Variants in NDUFA13 observed in about 807,000 individuals in gnomAD.
NDUFA13 encodes NADH dehydrogenase [ubiquinone] 1 alpha subcomplex subunit 13.
In NDUFA13, 16 loss-of-function variants were observed where a neutral mutation model predicts 17.0. That is an observed-to-expected ratio of 0.94 (90% CI 0.64 to 1.43). The LOEUF (loss-of-function observed/expected upper bound fraction) is 1.43. Among genes scored for constraint, NDUFA13 ranks in the 40% most tolerant of loss-of-function variants. NDUFA13 has a pLI of 0.00. For missense variants in NDUFA13, 228 were observed against 206.7 expected, an observed-to-expected ratio of 1.10 and a Z score of -0.63; for synonymous variants, 87 against 78.4, an observed-to-expected ratio of 1.11 and a Z score of -0.58.
intron 2 of NDUFA13, among the ~76,000 whole-genome samples, 173 bp from the exon 3 acceptor site, chr19:19,527,108 G>A (rs2061103732): frequency 1.3e-5 from 2 of 152,160 alleles, no homozygotes; most frequent in African/African-American, 4.8e-5. Flanking sequence ...GGCTCCTGGT[G>A]GGCTCTGCCC....
At chr19:19,522,628 G>A (rs1250304071) in intron 1 of NDUFA13, among the ~76,000 whole-genome samples, 1 of 151,758 alleles carries the variant, frequency 6.6e-6, no homozygotes, top group Non-Finnish European at 1.5e-5. Context: ...ACAAGTGCCA[G>A]CCACCACGCC....
At chr19:19,520,635 AAATAAT>A (rs1054116723) in intron 1 of NDUFA13, among the ~76,000 whole-genome samples, 3 of 152,094 alleles carry the variant, frequency 2.0e-5, no homozygotes, top group East Asian at 3.9e-4. Context: ...ATCTCAAAAA[AAATAAT>A]AATAATATAG....
chr19:19,521,676 C>T (rs2035482827), intron 1 of NDUFA13, among the ~76,000 whole-genome samples: 1 of 65,378 alleles, frequency 1.5e-5, no homozygotes, highest in Non-Finnish European at 2.8e-5. Context: ...GATCTCTGCT[C>T]ACTGCAAGCT....
At chr19:19,524,153 G>A (rs928756377) in intron 1 of NDUFA13, among the ~76,000 whole-genome samples, 2 of 152,188 alleles carry the variant, frequency 1.3e-5, no homozygotes, top group Non-Finnish European at 2.9e-5. Flanking sequence ...ACACCCTTTT[G>A]TGCGTGCCCC....
At chr19:19,524,657 T>C (rs947752700) in intron 1 of NDUFA13, among the ~76,000 whole-genome samples, 1 of 151,992 alleles carries the variant, frequency 6.6e-6, no homozygotes, top group Non-Finnish European at 1.5e-5. Context: ...AATACAAAAA[T>C]TAGCCTGGCG....
At chr19:19,527,657 A>C (rs578129857) in intron 3 of NDUFA13, 44 bp from the exon 4 acceptor site, 1 of 1,496,548 alleles carries the variant, frequency 6.7e-7, no homozygotes, top group South Asian at 1.2e-5. Flanking sequence ...GGGGCCCCTC[A>C]GGGCACTGAG....
At chr19:19,526,544 C>G (rs2061100490) in intron 2 of NDUFA13, 1 of 469,022 alleles carries the variant, frequency 2.1e-6, no homozygotes, top group East Asian at 4.2e-5. Flanking sequence ...AGAGGGAAAC[C>G]CTGTCCTCGC....
At chr19:19,526,738 C>G (rs2061101373) in intron 2 of NDUFA13, 3 of 293,242 alleles carry the variant, frequency 1.0e-5, no homozygotes, top group South Asian at 6.5e-5. Flanking sequence ...AGGCGCCCCC[C>G]TCTCCCTGTG....
At chr19:19,517,766 A>G (rs1406543293) in intron 1 of NDUFA13, among the ~76,000 whole-genome samples, 2 of 151,770 alleles carry the variant, frequency 1.3e-5, no homozygotes, top group Non-Finnish European at 2.9e-5. Context: ...GGCTCAAGTG[A>G]TCCTCCAGCC....
intron 1 of NDUFA13, among the ~76,000 whole-genome samples, chr19:19,525,070 A>C (rs1182308109): frequency 6.6e-6 from 1 of 152,094 alleles, no homozygotes; most frequent in East Asian, 1.9e-4. Context: ...AAAAAAATGA[A>C]CAAGGCAGCT....
Position 19,527,720 on chromosome 19 carries a change from G to A in NDUFA13, c.265G>A (p.Glu89Lys), listed in dbSNP as rs2061109798. 6.4e-7 allele frequency: 1 copy of A among 1,552,530 alleles called. No individual in the cohort carries two copies. Among genetic ancestry groups the A allele is most frequent in the Non-Finnish European group, 8.7e-7 (1 of 1,147,344 alleles). The change falls in exon 4 of 5, where the codon GAG (glutamate) becomes AAG (lysine). Residue 89 changes from glutamate to lysine, a missense_variant. Coordinates refer to ENST00000507754, the MANE Select transcript of NDUFA13 (RefSeq NM_015965.7). ...TDRRTLQMLRENLEEEAIIMK... is the reference protein window; with the variant it reads ...TDRRTLQMLRKNLEEEAIIMK... Reference sequence around the variant, plus strand: ...CCACAGGACCTTGCAGATGCTTCGGGAGAACCTGGAGGAGGAGGCCATCAT... The same window carrying A: ...CCACAGGACCTTGCAGATGCTTCGGAAGAACCTGGAGGAGGAGGCCATCAT...
chr19:19,519,971 CTTTTTT>C (rs397963977), intron 1 of NDUFA13, among the ~76,000 whole-genome samples: 3 of 120,270 alleles, frequency 2.5e-5, no homozygotes, highest in Non-Finnish European at 3.4e-5. Context: ...TTTTTGTTCT[CTTTTTT>C]TTTTTTTTTT....
Position 19,525,959 on chromosome 19 carries a change from C to T in NDUFA13, c.95-223C>T, listed in dbSNP as rs1214626993. 6 of 1,374,908 alleles carry T rather than the reference C, an allele frequency of 4.4e-6. No homozygotes were observed. In the East Asian group the frequency reaches 1.3e-4, roughly 30 times the overall value. The allele number at this position is 1,374,908 out of a possible 1,614,324, so 85.2% of individuals were successfully genotyped here. A position where few individuals can be genotyped will look rare whatever the true frequency, so the allele number is the denominator to read the frequency against. On this transcript the variant is annotated intron_variant, in intron 1 of 4. Transcript: ENST00000507754. ...TTCTAGAACACGATGGACCTGGGGC[C>T]CCCCTAGCAACCACCATCTAGACCC...
chr19:19,526,658 G>A (rs1317344196), intron 2 of NDUFA13: 1 of 341,442 alleles, frequency 2.9e-6, no homozygotes, highest in Non-Finnish European at 5.8e-6. Flanking sequence ...GCAGGATTTT[G>A]TCAGAGGTGA....
intron 1 of NDUFA13, among the ~76,000 whole-genome samples, chr19:19,524,262 C>G (rs921766368): frequency 7.2e-5 from 11 of 152,268 alleles, no homozygotes. Flanking sequence ...GAGCCCTGTG[C>G]AGGCTGCATG....
intron 1 of NDUFA13, among the ~76,000 whole-genome samples, chr19:19,524,228 C>T (rs2061090736): frequency 1.3e-5 from 2 of 152,364 alleles, no homozygotes; most frequent in Middle Eastern, 3.4e-3. Context: ...GGGCCTTGGC[C>T]CCCCTGTGGT....
At chr19:19,526,640 C>T (rs1600349785) in intron 2 of NDUFA13, 2 of 346,776 alleles carry the variant, frequency 5.8e-6, no homozygotes, top group East Asian at 1.5e-4. Flanking sequence ...CTGCCTCGGG[C>T]CCTCTAAGCA....
At chr19:19,519,391 C>A (rs80106874) in intron 1 of NDUFA13, among the ~76,000 whole-genome samples, 147 of 152,304 alleles carry the variant, frequency 9.7e-4, no homozygotes, top group African/African-American at 3.2e-3. Context: ...CAGTTCACCA[C>A]AGAGCAGTGG....
Position 19,527,682 on chromosome 19 carries a change from A to G in NDUFA13, c.246-19A>G. 4 of 1,539,656 alleles carry G rather than the reference A, an allele frequency of 2.6e-6. No homozygotes were observed. Among genetic ancestry groups the G allele is most frequent in the Non-Finnish European group, 1.8e-6 (2 of 1,136,342 alleles). ...AGGGCACTGAGGCCCCACCCCCACC[A>G]TCGGCCCCATCCCCACAGGACCTTG... is the stretch of plus-strand genomic sequence containing the variant. On this transcript the variant is annotated intron_variant, in intron 3 of 4. Transcript: ENST00000507754.
Sources: allele counts gnomAD v4.1 joint callset (sites outside exome capture counted in the v4.1 genomes callset), GRCh38; gene constraint gnomAD v4.1.1; transcripts MANE v1.5; gene names NCBI Gene and HGNC (gene_info 2026-07-23, HGNC 2026-07-21).